The following TMEM131 variants were observed in gnomAD, a reference collection of about 807,000 sequenced individuals.
TMEM131 encodes the protein 2610524E03Rik.
Under a neutral mutation model 211.6 loss-of-function variants are expected in TMEM131, and 66 were observed. The observed-to-expected ratio is 0.31, with a 90% CI of 0.26 to 0.38. The LOEUF is 0.38. Ranked by LOEUF, TMEM131 falls within the 10% of genes least tolerant of loss-of-function variation. The probability of loss-of-function intolerance (pLI) is 1.00; values close to 1 mark genes in which losing one functional copy is unlikely to be tolerated. For synonymous variants in TMEM131, 844 were observed against 841.3 expected, an observed-to-expected ratio of 1.00 and a Z score of -0.06; for missense variants, 2,036 against 2,299.3, an observed-to-expected ratio of 0.89 and a Z score of 2.34.
intron 11 of TMEM131, among the ~76,000 whole-genome samples, chr2:97,827,086 A>T: frequency 6.6e-6 from 1 of 152,204 alleles, no homozygotes; most frequent in African/African-American, 2.4e-5. Flanking sequence ...AAAAAAAAAA[A>T]AAAAATTTTA....
intron 31 of TMEM131, among the ~76,000 whole-genome samples, chr2:97,783,939 A>C (rs1680133189): frequency 6.6e-6 from 1 of 152,026 alleles, no homozygotes; most frequent in Non-Finnish European, 1.5e-5. Context: ...TAATTAAAGG[A>C]AAGCAGGTGG....
intron 4 of TMEM131, among the ~76,000 whole-genome samples, chr2:97,872,240 C>T (rs1014197849): frequency 2.0e-5 from 3 of 151,898 alleles, no homozygotes; most frequent in Non-Finnish European, 2.9e-5. Context: ...CTAGATGCAC[C>T]CTTCCTGAAG....
intron 32 of TMEM131, among the ~76,000 whole-genome samples, chr2:97,773,820 A>T (rs909394594): frequency 6.6e-5 from 10 of 152,068 alleles, no homozygotes; most frequent in Admixed American, 6.5e-4. Context: ...CCCAGGCTGC[A>T]CTCAGGTATT....
At chr2:97,902,245 C>T (rs1675886693) in intron 3 of TMEM131, among the ~76,000 whole-genome samples, 1 of 152,062 alleles carries the variant, frequency 6.6e-6, no homozygotes. Flanking sequence ...ATTTAGAATA[C>T]AGTATTTTGA....
At chr2:97,858,112 T>C (rs1196992321) in intron 5 of TMEM131, among the ~76,000 whole-genome samples, 5 of 152,164 alleles carry the variant, frequency 3.3e-5, no homozygotes, top group Admixed American at 6.5e-5. Flanking sequence ...TGAAACAGGA[T>C]TTTAGAGAGG....
intron 11 of TMEM131, among the ~76,000 whole-genome samples, chr2:97,826,042 T>C (rs1302805057): frequency 6.6e-6 from 1 of 152,244 alleles, no homozygotes; most frequent in Non-Finnish European, 1.5e-5. Context: ...CAATCGAGCA[T>C]GACTGCTGAC....
intron 1 of TMEM131, among the ~76,000 whole-genome samples, chr2:97,961,843 T>C (rs1042231772): frequency 1.2e-3 from 183 of 152,196 alleles, no homozygotes; most frequent in Non-Finnish European, 8.8e-5. Context: ...CTTTAAAAAG[T>C]GAACTTACGG....
chr2:97,911,147 A>G (rs1050312089), intron 2 of TMEM131, among the ~76,000 whole-genome samples: 2 of 152,216 alleles, frequency 1.3e-5, no homozygotes, highest in Non-Finnish European at 2.9e-5. Flanking sequence ...AAAACAACAC[A>G]GATTAATCTC....
intron 1 of TMEM131, among the ~76,000 whole-genome samples, chr2:97,987,373 C>T (rs759405941): frequency 9.9e-5 from 15 of 152,034 alleles, no homozygotes; most frequent in Non-Finnish European, 1.9e-4. Flanking sequence ...CGTGGTGGCA[C>T]ACACCTGTAG....
intron 31 of TMEM131, among the ~76,000 whole-genome samples, chr2:97,790,135 T>A (rs2104875447): frequency 1.3e-5 from 2 of 152,344 alleles, no homozygotes; most frequent in South Asian, 4.1e-4. Flanking sequence ...GTAAATCTGC[T>A]ATTTGCAGGG....
At chr2:97,914,354 AC>A (rs1390384390) in intron 2 of TMEM131, among the ~76,000 whole-genome samples, 1 of 152,216 alleles carries the variant, frequency 6.6e-6, no homozygotes, top group Non-Finnish European at 1.5e-5. Flanking sequence ...CGACACTGGT[AC>A]GATCCACCTG....
intron 31 of TMEM131, among the ~76,000 whole-genome samples, chr2:97,782,792 T>A (rs1680071569): frequency 5.5e-5 from 8 of 146,434 alleles, no homozygotes; most frequent in African/African-American, 5.0e-5. Context: ...TGAGAGAAAA[T>A]GGACTAAAAA....
Position 97,756,488 on chromosome 2 carries a change from C to T in TMEM131, c.*611G>A, listed in dbSNP as rs1678485691. On this transcript the variant is annotated 3_prime_UTR_variant, in exon 41 of 41. Transcript: ENST00000186436. ...ATACAAATGTTACATACCTCAAGTA[C>T]AAACAGCACAGAAAATGCATATGGT... 1.3e-5 allele frequency: 2 copies of T among 152,180 alleles called. No individual in the cohort carries two copies. Among genetic ancestry groups the T allele is most frequent in the Admixed American group, 6.5e-5 (1 of 15,274 alleles). 9.4% of individuals were successfully genotyped at this position (152,180 alleles called of 1,614,324 possible). A position where few individuals can be genotyped will look rare whatever the true frequency, so the allele number is the denominator to read the frequency against.
At chr2:97,832,642 A>G (rs1187860818) in intron 11 of TMEM131, among the ~76,000 whole-genome samples, 1 of 152,214 alleles carries the variant, frequency 6.6e-6, no homozygotes, top group African/African-American at 2.4e-5. Flanking sequence ...ACTGAAGTTA[A>G]GTTTCTGGCA....
At chr2:97,945,878 T>C (rs1025769471) in intron 1 of TMEM131, among the ~76,000 whole-genome samples, 79 of 152,272 alleles carry the variant, frequency 5.2e-4, no homozygotes, top group African/African-American at 1.8e-3. Context: ...CATCAAGCAA[T>C]TGTAAATTCA....
intron 7 of TMEM131, among the ~76,000 whole-genome samples, chr2:97,838,426 C>CTTTTTTTTTTTTTTTTTTTTTTTTTTT (rs753635047): frequency 3.4e-5 from 3 of 89,094 alleles, no homozygotes; most frequent in African/African-American, 1.3e-4. Flanking sequence ...TAAGCTTAAA[C>CTTTTTTTTTTTTTTTTTTTTTTTTTTT]TTTTTTTTTT....
intron 36 of TMEM131, chr2:97,761,134 T>C: frequency 1.8e-6 from 1 of 540,694 alleles, no homozygotes; most frequent in East Asian, 3.3e-5. Context: ...AAAAGATCAC[T>C]ATGAAAGAGA....
At chr2:97,957,941 C>T (rs1040516603) in intron 1 of TMEM131, among the ~76,000 whole-genome samples, 3 of 152,252 alleles carry the variant, frequency 2.0e-5, no homozygotes, top group Admixed American at 1.3e-4. Flanking sequence ...GAGACACAGA[C>T]GAATAAATCA....
intron 3 of TMEM131, among the ~76,000 whole-genome samples, chr2:97,903,752 C>T (rs1385525169): frequency 6.6e-6 from 1 of 152,038 alleles, no homozygotes; most frequent in Non-Finnish European, 1.5e-5. Flanking sequence ...GGCGCAATCT[C>T]GGCTCAATGC....
Sources: allele counts gnomAD v4.1 joint callset (sites outside exome capture counted in the v4.1 genomes callset), GRCh38; gene constraint gnomAD v4.1.1; transcripts MANE v1.5; gene names NCBI Gene and HGNC (gene_info 2026-07-23, HGNC 2026-07-21).